NBPF20: variants seen among roughly 807,000 people sequenced by gnomAD.
NBPF20 encodes the protein NBPF family member NBPF20.
A neutral mutation model predicts 68.1 loss-of-function variants in NBPF20; 90 were observed. The observed-to-expected ratio is 1.32, with a 90% CI of 1.11 to 1.58. The LOEUF (loss-of-function observed/expected upper bound fraction) is 1.58. Ranked by LOEUF, NBPF20 falls within the 40% of genes most tolerant of loss-of-function variation. NBPF20 has a pLI of 0.00. For missense variants in NBPF20, 816 were observed against 601.2 expected (o/e 1.36, Z -3.74); for synonymous variants, 290 against 228.1 (o/e 1.27, Z -2.45).
chr1:145,417,533 A>G, the NBPF20 span, among the ~76,000 whole-genome samples: 2 of 149,972 alleles, frequency 1.3e-5, no homozygotes, highest in Non-Finnish European at 3.0e-5. Context: ...AGCAAGTCAC[A>G]GACTGGGAGA....
rs1662362602 is a variant in NBPF20, at chr1:145,398,411, G to A, written c.827+638C>T. On this transcript the variant is annotated intron_variant, in intron 7 of 137. Transcript: ENST00000369373. ...CACAGTGCAATCAAATTAGAACTCA[G>A]GATTAAGAAACTCACTCAAAACCGC... 2.6e-5 allele frequency among the ~76,000 whole-genome samples: 4 copies of A among 151,964 alleles called. No homozygotes were observed. The South Asian group carries it at 8.3e-4, about 32-fold the overall frequency.
At chr1:145,407,699 C>G (rs1280646429), upstream of NBPF20, 1 of 152,382 alleles carries the variant, frequency 6.6e-6, no homozygotes, top group Non-Finnish European at 1.5e-5. Context: ...CCCCCACCCG[C>G]CAGCCCAGGC....
intron 83 of NBPF20, among the ~76,000 whole-genome samples, chr1:145,334,961 G>T (rs1367123536): frequency 1.1e-5 from 1 of 89,734 alleles, no homozygotes; most frequent in African/African-American, 3.6e-5. Context: ...CAGTGATCAT[G>T]AAAAGAGTGG....
chr1:145,404,183 C>T lies in NBPF20; in HGVS notation c.176-865G>A, dbSNP rs374441422. ...CTTTCTTCCTCTTTAGGAACAAGAG[C>T]CTGTGCACCAGGAAACAGGACTTCG... On this transcript the variant is annotated intron_variant, in intron 2 of 137. Transcript: ENST00000369373. 8.0e-5 allele frequency among the ~76,000 whole-genome samples: 12 copies of T among 149,622 alleles called. 1 individual carries two copies. In the East Asian group the frequency reaches 2.4e-3, roughly 30 times the overall value.
upstream of NBPF20, among the ~76,000 whole-genome samples, chr1:145,408,426 A>G (rs1662893922): frequency 6.6e-6 from 1 of 151,988 alleles, no homozygotes; most frequent in African/African-American, 2.4e-5. Context: ...AAAATGAATA[A>G]CTGTACATAT....
chr1:145,292,251 C>A (rs1168423223), intron 137 of NBPF20, 130 bp downstream of exon 142: 16 of 625,950 alleles, frequency 2.6e-5, no homozygotes, highest in Middle Eastern at 4.3e-4. Flanking sequence ...CAATGAAAAC[C>A]AACAGCAATG....
At chr1:145,405,046 GA>G in intron 2 of NBPF20, 51 bp downstream of exon 7, 1 of 1,612,030 alleles carries the variant, frequency 6.2e-7, no homozygotes, top group South Asian at 1.1e-5. Context: ...TAGTGTCTCA[GA>G]AGACAGGACA....
At chr1:145,399,776 C>CAAA (rs1176062364) in intron 6 of NBPF20, among the ~76,000 whole-genome samples, 87 of 51,720 alleles carry the variant, frequency 1.7e-3, no homozygotes, top group East Asian at 3.5e-3. Context: ...GACTCCATCA[C>CAAA]AAAAAAAAAA....
At chr1:145,292,570 A>C (rs1487392446) in intron 136 of NBPF20, 81 bp from the exon 142 acceptor site, 1 of 736,684 alleles carries the variant, frequency 1.4e-6, no homozygotes, top group Non-Finnish European at 2.4e-6. Flanking sequence ...ATCCTCACAC[A>C]GGGACCTCAG....
chr1:145,291,918 T>A, intron 137 of NBPF20, 149 bp from the exon 143 acceptor site: 50 of 1,519,710 alleles, frequency 3.3e-5, no homozygotes, highest in Non-Finnish European at 4.3e-5. Context: ...ATTGCCTATA[T>A]GTTGGGATAG....
chr1:145,290,228 G>C (rs1236236681), exon 138 of NBPF20: 246 of 145,484 alleles, frequency 1.7e-3, no homozygotes, highest in African/African-American at 6.5e-3. Context: ...ATGATCATTA[G>C]AATACAGGAT....
In NBPF20 at chr1:145,291,343, G is replaced by C; in HGVS notation, c.*183C>G. On this transcript the variant is annotated 3_prime_UTR_variant, in exon 138 of 138. Transcript: ENST00000369373. ...ATGTGAACGTGTCACACCTAACGTG[G>C]GTCCATTGTCTTCAGACTGAGCACA... 3.5e-6 allele frequency: 4 copies of C among 1,144,252 alleles called. No homozygotes were observed. The East Asian group carries it at 9.4e-5, about 27-fold the overall frequency. The allele number at this position is 1,144,252 out of a possible 1,614,324, so 70.9% of individuals were successfully genotyped here. A position where few individuals can be genotyped will look rare whatever the true frequency, so the allele number is the denominator to read the frequency against.
At chr1:145,394,100 A>G (rs1472541273) in intron 8 of NBPF20, among the ~76,000 whole-genome samples, 165 bp from the exon 14 acceptor site, 1 of 151,984 alleles carries the variant, frequency 6.6e-6, no homozygotes, top group African/African-American at 2.4e-5. Context: ...TCTTGAGAAA[A>G]CTGGCTTGGG....
At chr1:145,399,883 A>G (rs1229893950) in intron 6 of NBPF20, among the ~76,000 whole-genome samples, 26 of 150,756 alleles carry the variant, frequency 1.7e-4, no homozygotes, top group African/African-American at 5.1e-4. Context: ...TTATGGAAAT[A>G]TATCAGCAAA....
chr1:145,410,962 T>G, the NBPF20 span, among the ~76,000 whole-genome samples: 2 of 143,666 alleles, frequency 1.4e-5, no homozygotes, highest in Non-Finnish European at 1.5e-5. Context: ...TAGACATACA[T>G]GTGAGTATCT....
chr1:145,425,195 A>C, the NBPF20 span, among the ~76,000 whole-genome samples: 8,593 of 152,100 alleles, frequency 0.056, 354 homozygotes, highest in Non-Finnish European at 0.086. Flanking sequence ...CATGGAACTT[A>C]AGCCCCGGCG....
At chr1:145,410,816 G>GTA in the NBPF20 span, among the ~76,000 whole-genome samples, 614 of 117,094 alleles carry the variant, frequency 5.2e-3, 8 homozygotes, top group Middle Eastern at 0.018. Flanking sequence ...ATATATATAC[G>GTA]TATATATATA....
At chr1:145,425,177 A>T in the NBPF20 span, among the ~76,000 whole-genome samples, 1 of 152,110 alleles carries the variant, frequency 6.6e-6, no homozygotes, top group Non-Finnish European at 1.5e-5. Flanking sequence ...CAAGTGAGGA[A>T]TCCAACGCAT....
intron 5 of NBPF20, 104 bp downstream of exon 10, chr1:145,400,955 C>G: frequency 7.1e-7 from 1 of 1,405,536 alleles, no homozygotes; most frequent in Non-Finnish European, 1.0e-6. Context: ...TGTGGCCAAG[C>G]AAATGTGGGT....
Sources: allele counts gnomAD v4.1 joint callset (sites outside exome capture counted in the v4.1 genomes callset), GRCh38; gene constraint gnomAD v4.1.1; transcripts MANE v1.5; gene names NCBI Gene and HGNC (gene_info 2026-07-23, HGNC 2026-07-21).